TRAF3IP2: variants seen among roughly 807,000 people sequenced by gnomAD.
The protein encoded by TRAF3IP2 is TRAF3 interacting protein 2.
Under a neutral mutation model 57.9 loss-of-function variants are expected in TRAF3IP2, and 35 were observed. That is an observed-to-expected ratio of 0.60 (90% CI 0.46 to 0.80). The LOEUF (loss-of-function observed/expected upper bound fraction) is 0.80, where lower values mean the gene tolerates loss of function less well. Ranked by LOEUF, TRAF3IP2 falls within the 30% of genes least tolerant of loss-of-function variation. The probability of loss-of-function intolerance (pLI) is 0.00; values close to 1 mark genes in which losing one functional copy is unlikely to be tolerated. For missense variants in TRAF3IP2, 556 were observed against 706.4 expected (o/e 0.79, Z 2.41); for synonymous variants, 251 against 268.9 (o/e 0.93, Z 0.65).
intron 2 of TRAF3IP2, among the ~76,000 whole-genome samples, chr6:111,580,840 G>T (rs954824810): frequency 6.6e-6 from 1 of 150,578 alleles, no homozygotes; most frequent in Non-Finnish European, 1.5e-5. Flanking sequence ...GGACATACAC[G>T]TGCATGTGCA....
chr6:111,573,173 C>A (rs1795883530), intron 4 of TRAF3IP2, among the ~76,000 whole-genome samples, 190 bp from the exon 5 acceptor site: 3 of 152,190 alleles, frequency 2.0e-5, no homozygotes, highest in Admixed American at 2.0e-4. Context: ...CCCAAAATGC[C>A]AGTGGGTCTG....
chr6:111,595,835 A>T (rs1372598854), intron 1 of TRAF3IP2, among the ~76,000 whole-genome samples: 4 of 152,130 alleles, frequency 2.6e-5, no homozygotes, highest in Non-Finnish European at 5.9e-5. Flanking sequence ...CTCAAAAAAA[A>T]AAAAAAAAAG....
At chr6:111,598,250 G>A (rs936815758) in intron 1 of TRAF3IP2, 3 of 184,950 alleles carry the variant, frequency 1.6e-5, no homozygotes, top group Non-Finnish European at 2.3e-5. Flanking sequence ...ACTTTGCCAA[G>A]GGAAATGTGA....
rs1464057243 is a variant in TRAF3IP2, at chr6:111,558,252, A to G, written c.*1153T>C. 1 of 152,202 alleles carries G rather than the reference A, an allele frequency of 6.6e-6. No individual in the cohort carries two copies. The highest frequency in any genetic ancestry group is 1.5e-5 in the Non-Finnish European group (1 of 68,032). The allele number at this position is 152,202 out of a possible 1,614,324, so 9.4% of individuals were successfully genotyped here. ...AGGACTTGCTAAAGGTCATACAGCT[A>G]ATTGGTGGTAGAACCAAAATTAGAA... On this transcript the variant is annotated 3_prime_UTR_variant, in exon 9 of 9. Transcript: ENST00000368761.
At chr6:111,586,798 G>T (rs1796350574) in intron 2 of TRAF3IP2, among the ~76,000 whole-genome samples, 1 of 152,136 alleles carries the variant, frequency 6.6e-6, no homozygotes, top group South Asian at 2.1e-4. Context: ...CTAAGCATTT[G>T]TACACCTGCC....
chr6:111,587,714 T>G (rs1796383001), intron 2 of TRAF3IP2, among the ~76,000 whole-genome samples: 1 of 152,192 alleles, frequency 6.6e-6, no homozygotes, highest in Non-Finnish European at 1.5e-5. Flanking sequence ...AAAATAAACA[T>G]GGATGGGATC....
intron 8 of TRAF3IP2, among the ~76,000 whole-genome samples, chr6:111,561,599 G>T (rs967786612): frequency 6.6e-6 from 1 of 152,132 alleles, no homozygotes; most frequent in Non-Finnish European, 1.5e-5. Context: ...ATGTGTGAGG[G>T]CATGCTGAAA....
intron 3 of TRAF3IP2, 56 bp from the exon 4 acceptor site, chr6:111,575,877 G>T: frequency 6.6e-7 from 1 of 1,524,694 alleles, no homozygotes; most frequent in East Asian, 2.3e-5. Flanking sequence ...CAAACCTTCA[G>T]GGACAGAAAG....
intron 6 of TRAF3IP2, chr6:111,567,349 C>A (rs1795686387): frequency 3.4e-6 from 4 of 1,175,616 alleles, no homozygotes; most frequent in Non-Finnish European, 4.2e-6. Context: ...CCTTCATTTC[C>A]TTCTTTCCTA....
chr6:111,585,268 G>T (rs1796290750), intron 2 of TRAF3IP2, among the ~76,000 whole-genome samples: 1 of 151,270 alleles, frequency 6.6e-6, no homozygotes, highest in Non-Finnish European at 1.5e-5. Flanking sequence ...TGAATAAATT[G>T]ATAAGTGGAT....
chr6:111,567,323 C>G lies in TRAF3IP2; in HGVS notation c.1359+301G>C, dbSNP rs1047354957. 8.1e-6 allele frequency: 9 copies of G among 1,116,588 alleles called. No individual in the cohort carries two copies. The Admixed American group carries it at 4.5e-4, about 56-fold the overall frequency. 69.2% of individuals were successfully genotyped at this position (1,116,588 alleles called of 1,614,324 possible). ...TCAGATTAAATTGAATTCTGCTGCT[C>G]TCTCCCCACTCTCCGCCTTCATTTC... is the stretch of plus-strand genomic sequence containing the variant. On this transcript the variant is annotated intron_variant, in intron 6 of 8. Transcript: ENST00000368761.
At chr6:111,598,072 G>A in intron 1 of TRAF3IP2, 1 of 362,216 alleles carries the variant, frequency 2.8e-6, no homozygotes, top group Non-Finnish European at 5.4e-6. Flanking sequence ...GGAGAGCGGG[G>A]CTGGAGGGCG....
intron 1 of TRAF3IP2, among the ~76,000 whole-genome samples, chr6:111,595,243 T>G (rs920791989): frequency 5.9e-5 from 9 of 151,708 alleles, no homozygotes; most frequent in Non-Finnish European, 1.2e-4. Flanking sequence ...CAAAAGAAAA[T>G]AAAATAAACT....
At chr6:111,562,822 G>A in intron 8 of TRAF3IP2, 143 bp downstream of exon 8, 1 of 629,762 alleles carries the variant, frequency 1.6e-6, no homozygotes, top group Non-Finnish European at 2.7e-6. Flanking sequence ...TCCAGGCTGG[G>A]CAACACAGCG....
chr6:111,594,345 G>A (rs1413062265), intron 1 of TRAF3IP2, among the ~76,000 whole-genome samples: 3 of 152,072 alleles, frequency 2.0e-5, no homozygotes, highest in Non-Finnish European at 4.4e-5. Flanking sequence ...TGAGCTGAGT[G>A]GCAGGAGGAC....
intron 1 of TRAF3IP2, among the ~76,000 whole-genome samples, chr6:111,602,844 G>T (rs1285161496): frequency 6.6e-6 from 1 of 152,158 alleles, no homozygotes; most frequent in Non-Finnish European, 1.5e-5. Flanking sequence ...TGAGGGAGCT[G>T]CCAAGACCCC....
At chr6:111,599,045 A>G (rs890523442) in intron 1 of TRAF3IP2, among the ~76,000 whole-genome samples, 4 of 149,132 alleles carry the variant, frequency 2.7e-5, no homozygotes, top group African/African-American at 7.4e-5. Context: ...GACCACAGGC[A>G]TGCACCACCA....
intron 4 of TRAF3IP2, chr6:111,574,882 A>C (rs1225418950): frequency 6.6e-6 from 1 of 152,248 alleles, no homozygotes; most frequent in African/African-American, 2.4e-5. Context: ...TTTTTAAGCA[A>C]AAAGCAAAAA....
chr6:111,586,426 C>T (rs1340198251), intron 2 of TRAF3IP2, among the ~76,000 whole-genome samples: 1 of 152,094 alleles, frequency 6.6e-6, no homozygotes, highest in Non-Finnish European at 1.5e-5. Flanking sequence ...TCCATGCTGG[C>T]GACCTTCAGT....
Sources: gnomAD v4.1 joint callset for allele counts (sites outside exome capture counted in the v4.1 genomes callset) on GRCh38, gnomAD v4.1.1 for gene constraint, MANE v1.5 for transcripts, NCBI Gene and HGNC (gene_info 2026-07-23, HGNC 2026-07-21) for gene names.